Variants in CDCP1 observed in about 807,000 individuals in gnomAD.
CDCP1 encodes CUB domain-containing protein 1.
In CDCP1, 29 loss-of-function variants were observed where a neutral mutation model predicts 60.2. The ratio of observed to expected loss-of-function variants is 0.48; its 90% CI spans 0.36 to 0.66. The LOEUF (loss-of-function observed/expected upper bound fraction) is 0.66, where lower values mean the gene tolerates loss of function less well. CDCP1 is among the 30% of genes least tolerant of loss of function. The probability of loss-of-function intolerance (pLI) is 0.00; values close to 1 mark genes in which losing one functional copy is unlikely to be tolerated. For synonymous variants in CDCP1, 387 were observed against 431.1 expected (o/e 0.90, Z 1.27); for missense variants, 876 against 1,074.3 (o/e 0.82, Z 2.58).
intron 1 of CDCP1, among the ~76,000 whole-genome samples, chr3:45,138,047 G>T (rs1364243358): frequency 6.6e-6 from 1 of 152,188 alleles, no homozygotes; most frequent in Non-Finnish European, 1.5e-5. Context: ...ACCCGGTCAT[G>T]AAGATAGCTG....
chr3:45,104,846 T>C (rs1008231756), intron 4 of CDCP1, among the ~76,000 whole-genome samples: 1 of 152,168 alleles, frequency 6.6e-6, no homozygotes, highest in African/African-American at 2.4e-5. Flanking sequence ...CTGAGGTCGA[T>C]TGTTTGAGAC....
intron 4 of CDCP1, among the ~76,000 whole-genome samples, chr3:45,098,079 C>T (rs1248202509): frequency 2.0e-5 from 3 of 152,114 alleles, no homozygotes; most frequent in Middle Eastern, 3.2e-3. Context: ...CCCTGCTTAC[C>T]TTTACCAAGG....
chr3:45,101,700 A>G (rs1205043578), intron 4 of CDCP1, among the ~76,000 whole-genome samples: 1 of 152,158 alleles, frequency 6.6e-6, no homozygotes, highest in Non-Finnish European at 1.5e-5. Flanking sequence ...CAGCCTGGCC[A>G]ACATGGTGAA....
At chr3:45,107,506 C>T (rs975923738) in intron 4 of CDCP1, among the ~76,000 whole-genome samples, 3 of 152,066 alleles carry the variant, frequency 2.0e-5, no homozygotes, top group East Asian at 1.9e-4. Flanking sequence ...GCGCCCGGCC[C>T]GTGTTGTGTC....
chr3:45,083,078 C>G lies in CDCP1; in HGVS notation c.*2560G>C, dbSNP rs1443098025. ...CCAGCCTAAGGAAGGCCAATCCCAC[C>G]TTGGGTGGAATGCAGGGCACCTAGT... is the stretch of plus-strand genomic sequence containing the variant. On this transcript the variant is annotated 3_prime_UTR_variant, in exon 9 of 9. Transcript: ENST00000296129. 1 of 152,226 alleles carries G rather than the reference C, an allele frequency of 6.6e-6. No homozygotes were observed. The highest frequency in any genetic ancestry group is 2.4e-5 in the African/African-American group (1 of 41,446). The allele number at this position is 152,226 out of a possible 1,614,324, so 9.4% of individuals were successfully genotyped here. A position where few individuals can be genotyped will look rare whatever the true frequency, so the allele number is the denominator to read the frequency against.
chr3:45,091,157 C>T lies in CDCP1; in HGVS notation c.1993+16G>A, dbSNP rs746948800. 101 of 1,601,194 alleles carry T rather than the reference C, an allele frequency of 6.3e-5. No individual in the cohort carries two copies. In the East Asian group the frequency reaches 2.2e-3, roughly 35 times the overall value. ...TTTTGTTCATCACTGTCCCCAAAGA[C>T]CCTGAAGGCCCTTACCCACAGTCCT... On this transcript the variant is annotated intron_variant, in intron 7 of 8. Coordinates refer to ENST00000296129, the MANE Select transcript of CDCP1 (RefSeq NM_022842.5). This position sits in a 1 kb window ranked among gnomAD's most constrained non-coding sequence, Gnocchi z 4.8.
rs1401302861 is a variant in CDCP1, at chr3:45,108,953, A to ATATATATATTTTTTTTTT, written c.1024+1519_1024+1520insAAAAAAAAAATATATATA. Among the ~76,000 whole-genome samples the ATATATATATTTTTTTTTT allele has an allele frequency of 1.2e-4, 5 of 41,134 alleles. 1 individual carries two copies. The highest frequency in any genetic ancestry group is 4.8e-4 in the African/African-American group (5 of 10,374). 27.0% of individuals were successfully genotyped at this position (41,134 alleles called of 152,430 possible). On this transcript the variant is annotated intron_variant, in intron 4 of 8. Transcript: ENST00000296129. ...CATGTATACATATATATATATATAT[A>ATATATATATTTTTTTTTT]TTTTTTTTTTTTTTGAGATGGAGTC...
intron 1 of CDCP1, among the ~76,000 whole-genome samples, chr3:45,128,269 T>G (rs1460922746): frequency 6.6e-6 from 1 of 152,156 alleles, no homozygotes; most frequent in Non-Finnish European, 1.5e-5. Flanking sequence ...GCATGCACAG[T>G]GCAGGTGGGA....
Position 45,093,339 on chromosome 3 carries a change from G to A in CDCP1, c.1565C>T (p.Pro522Leu), listed in dbSNP as rs1169584419. The change falls in exon 6 of 9, where the codon CCC becomes CTC. Residue 522 changes from proline to leucine, a missense_variant. Physicochemically the swap from Pro to Leu is moderately conservative, Grantham distance 98. Coordinates refer to ENST00000296129, the MANE Select transcript of CDCP1 (RefSeq NM_022842.5). ...CCTGGAGGCCTCTTGTTGGAAGCTGGGGGCAAAGGTGCGAAGGGTCACCGA... is the reference window on the plus strand; with the variant it reads ...CCTGGAGGCCTCTTGTTGGAAGCTGAGGGCAAAGGTGCGAAGGGTCACCGA... Reference protein sequence around the residue: ...NISVTLRTFAPSFQQEASRQG... With the variant: ...NISVTLRTFALSFQQEASRQG... 6.2e-7 allele frequency: 1 copy of A among 1,614,054 alleles called. No individual in the cohort carries two copies. The highest frequency in any genetic ancestry group is 8.5e-7 in the Non-Finnish European group (1 of 1,180,024).
At chr3:45,125,683 A>G (rs961104538) in intron 1 of CDCP1, among the ~76,000 whole-genome samples, 9 of 152,218 alleles carry the variant, frequency 5.9e-5, no homozygotes, top group African/African-American at 1.7e-4. Flanking sequence ...TCTAAAGCCT[A>G]CAGTCCTGGC....
intron 4 of CDCP1, among the ~76,000 whole-genome samples, chr3:45,109,077 G>C (rs1016640516): frequency 1.3e-5 from 2 of 150,202 alleles, no homozygotes; most frequent in African/African-American, 2.5e-5. Context: ...AGCCTCCCAA[G>C]TAGTTGGGAT....
chr3:45,111,921 T>G (rs1698700531), intron 3 of CDCP1, among the ~76,000 whole-genome samples, 162 bp downstream of exon 3: 2 of 152,202 alleles, frequency 1.3e-5, no homozygotes, highest in Admixed American at 6.5e-5. Context: ...GGGTTCACAC[T>G]AGGAATGCAT....
intron 1 of CDCP1, among the ~76,000 whole-genome samples, chr3:45,134,277 A>G (rs1419399226): frequency 1.3e-5 from 2 of 151,970 alleles, no homozygotes; most frequent in Non-Finnish European, 2.9e-5. Flanking sequence ...GGCGCCCGCC[A>G]CCACACCCAG....
chr3:45,088,168 G>T (rs1367233819), intron 8 of CDCP1, among the ~76,000 whole-genome samples: 1 of 152,174 alleles, frequency 6.6e-6, no homozygotes, highest in Non-Finnish European at 1.5e-5. Context: ...GTCTAAAAAG[G>T]TCAACATTTT....
intron 4 of CDCP1, among the ~76,000 whole-genome samples, chr3:45,102,108 A>G (rs1006643669): frequency 5.3e-5 from 8 of 151,770 alleles, no homozygotes; most frequent in Non-Finnish European, 8.8e-5. Flanking sequence ...GTCTTGCTCT[A>G]TTACCCAGGC....
At position 45,112,449 on chromosome 3, in the gene CDCP1, A is replaced by T; in HGVS notation, c.293-4T>A. On this transcript the variant is annotated splice_polypyrimidine_tract_variant and splice_region_variant and intron_variant, in intron 2 of 8. Coordinates refer to ENST00000296129, the MANE Select transcript of CDCP1 (RefSeq NM_022842.5). Reference sequence around the variant, plus strand: ...GGACATGGGCCTGACATACAGTCTGAAAAACAGTCACAGAAGCAATTTTGA... The same window carrying T: ...GGACATGGGCCTGACATACAGTCTGTAAAACAGTCACAGAAGCAATTTTGA... 6.2e-7 allele frequency: 1 copy of T among 1,609,048 alleles called. No individual in the cohort carries two copies. The highest frequency in any genetic ancestry group is 8.5e-7 in the Non-Finnish European group (1 of 1,176,336).
rs989891307 is a variant in CDCP1 at position 45,135,307 on chromosome 3, A to C, written c.82+10899T>G. Reference sequence around the variant, plus strand: ...TTGTGTGGGTGGATAGAAAAAAAAAAAAACAAAAAACAGATGGTTCTTCCT... The same window carrying C: ...TTGTGTGGGTGGATAGAAAAAAAAACAAACAAAAAACAGATGGTTCTTCCT... On this transcript the variant is annotated intron_variant, in intron 1 of 8. Transcript: ENST00000296129. Among the ~76,000 whole-genome samples the C allele has an allele frequency of 9.9e-5, 15 of 152,124 alleles. No homozygotes were observed. In the East Asian group the frequency reaches 2.3e-3, roughly 23 times the overall value.
intron 1 of CDCP1, among the ~76,000 whole-genome samples, chr3:45,124,607 C>T (rs1012186716): frequency 2.0e-5 from 3 of 152,184 alleles, no homozygotes; most frequent in Non-Finnish European, 4.4e-5. Flanking sequence ...ATAGCCCTGT[C>T]CTCTCTTAGG....
At chr3:45,143,278 T>G (rs1699325742) in intron 1 of CDCP1, among the ~76,000 whole-genome samples, 1 of 152,180 alleles carries the variant, frequency 6.6e-6, no homozygotes, top group South Asian at 2.1e-4. Context: ...AATGGGATAA[T>G]CCAGTTGATA....
Sources: gnomAD v4.1 joint callset for allele counts (sites outside exome capture counted in the v4.1 genomes callset) on GRCh38, gnomAD v4.1.1 for gene constraint, Gnocchi (gnomAD v3.1) non-coding constraint, MANE v1.5 for transcripts, NCBI Gene and HGNC (gene_info 2026-07-23, HGNC 2026-07-21) for gene names.